Variants in AMER3 observed in about 807,000 individuals in gnomAD.
The protein encoded by AMER3 is APC membrane recruitment protein 3.
For synonymous variants in AMER3, 541 were observed against 485.5 expected, an observed-to-expected ratio of 1.11 and a Z score of -1.50; for missense variants, 1,201 against 1,139.4, an observed-to-expected ratio of 1.05 and a Z score of -0.78.
intron 1 of AMER3, among the ~76,000 whole-genome samples, chr2:130,760,320 C>A (rs1408650506): frequency 6.6e-6 from 1 of 152,234 alleles, no homozygotes; most frequent in Non-Finnish European, 1.5e-5. Context: ...CCTGCAGTGT[C>A]AGCTCTTCCA....
intron 1 of AMER3, among the ~76,000 whole-genome samples, chr2:130,756,103 T>TGGCGGAGCAGCCC (rs1405892963): frequency 1.3e-5 from 2 of 150,270 alleles, no homozygotes; most frequent in African/African-American, 4.9e-5. Context: ...GGCGGCAGCC[T>TGGCGGAGCAGCCC]GGCGGAGCAG....
At position 130,763,670 on chromosome 2, in the gene AMER3, C is replaced by A. The variant is rs770680817; in HGVS notation, c.1598C>A (p.Ser533Tyr). ...TPGQPAAPPGSQGAPRAPTEK... is the reference protein window; with the variant it reads ...TPGQPAAPPGYQGAPRAPTEK... The stretch of plus-strand genomic sequence containing the variant: ...GGGCAGCCTGCAGCTCCACCTGGTT[C>A]CCAGGGAGCCCCTAGGGCACCCACA... The change falls in exon 2 of 2, where the codon TCC (serine) becomes TAC (tyrosine). Residue 533 changes from serine (S) to tyrosine (Y), a missense_variant. Physicochemically the swap from Ser to Tyr is moderately radical, Grantham distance 144 (BLOSUM62 -2). Coordinates refer to ENST00000321420, the MANE Select transcript of AMER3 (RefSeq NM_152698.3). 6.7e-6 allele frequency: 10 copies of A among 1,490,344 alleles called. No homozygotes were observed. In the Admixed American group the frequency reaches 8.8e-5, roughly 13 times the overall value. The allele number at this position is 1,490,344 out of a possible 1,614,324, so 92.3% of individuals were successfully genotyped here.
Position 130,764,315 on chromosome 2 carries a change from G to A in AMER3, c.2243G>A (p.Arg748His), listed in dbSNP as rs541638003. The A allele has an allele frequency of 2.9e-5, 46 of 1,608,026 alleles. 1 individual carries two copies. In the South Asian group the frequency reaches 3.5e-4, roughly 12 times the overall value. ...ACACAGGACCAGAGGTGTCGAGATCGTGTCCAGGACCTGAGCTGGCTCAGG... is the reference window on the plus strand; with the variant it reads ...ACACAGGACCAGAGGTGTCGAGATCATGTCCAGGACCTGAGCTGGCTCAGG... ...ASTQDQRCRD[R>H]VQDLSWLRVE... is the part of the protein sequence containing the mutation. The change falls in exon 2 of 2, where the codon CGT (arginine) becomes CAT (histidine). Residue 748 changes from arginine to histidine, a missense_variant. Coordinates refer to ENST00000321420, the MANE Select transcript of AMER3 (RefSeq NM_152698.3).
At position 130,765,754 on chromosome 2, in the gene AMER3, G is replaced by A. The variant is rs919260747; in HGVS notation, c.*1096G>A. 6.0e-6 allele frequency: 1 copy of A among 167,080 alleles called. No homozygotes were observed. Among genetic ancestry groups the A allele is most frequent in the Non-Finnish European group, 1.5e-5 (1 of 68,150 alleles). 10.3% of individuals were successfully genotyped at this position (167,080 alleles called of 1,614,324 possible). ...AAGCCTGTCCCAGCTCTGAGAGAGA[G>A]ACCAGTTTGCCTTCTTTATTTGTTC... is the stretch of plus-strand genomic sequence containing the variant. On this transcript the variant is annotated 3_prime_UTR_variant, in exon 2 of 2. Transcript: ENST00000321420.
Position 130,764,294 on chromosome 2 carries a change from A to G in AMER3, c.2222A>G (p.Gln741Arg). ...GGCCTACCCTACTCAGCCAGCACAC[A>G]GGACCAGAGGTGTCGAGATCGTGTC... ...IHGLPYSAST[Q>R]DQRCRDRVQD... Residue 741 changes from glutamine to arginine, a missense_variant, in exon 2 of 2, where the codon CAG becomes CGG. Physicochemically the swap from Gln to Arg is conservative, Grantham distance 43 (BLOSUM62 1). Coordinates refer to ENST00000321420, the MANE Select transcript of AMER3 (RefSeq NM_152698.3). 6.2e-7 allele frequency: 1 copy of G among 1,606,874 alleles called. No homozygotes were observed. The highest frequency in any genetic ancestry group is 8.5e-7 in the Non-Finnish European group (1 of 1,175,524).
Position 130,763,150 on chromosome 2 carries a change from A to G in AMER3, c.1078A>G (p.Ser360Gly), listed in dbSNP as rs1678852888. The G allele has an allele frequency of 6.2e-7, 1 of 1,613,432 alleles. No individual in the cohort carries two copies. The highest frequency in any genetic ancestry group is 2.2e-5 in the East Asian group (1 of 44,868). The change falls in exon 2 of 2, where the codon AGC becomes GGC. Residue 360 changes from serine (S) to glycine (G), a missense_variant. Transcript: ENST00000321420. ...CCTCTGCCCCTGCAGGGACCCTCGC[A>G]GCGGCTCCAAAGCCAGCTCCATCGA... ...LPLCPCRDPR[S>G]GSKASSIDTG...
chr2:130,757,471 C>A (rs1399535992), intron 1 of AMER3, among the ~76,000 whole-genome samples: 1 of 152,174 alleles, frequency 6.6e-6, no homozygotes, highest in African/African-American at 2.4e-5. Context: ...CTCCCTGTGG[C>A]TTGCAGATAA....
intron 1 of AMER3, among the ~76,000 whole-genome samples, 189 bp from the exon 2 acceptor site, chr2:130,761,865 C>T (rs1013720026): frequency 3.9e-5 from 6 of 152,196 alleles, no homozygotes; most frequent in Non-Finnish European, 4.4e-5. Flanking sequence ...AGGCCCCAGG[C>T]AGCTCTCATT....
At position 130,764,434 on chromosome 2, in the gene AMER3, G is replaced by A. The variant is rs147451502; in HGVS notation, c.2362G>A (p.Gly788Ser). The A allele has an allele frequency of 2.7e-4, 439 of 1,607,154 alleles. No homozygotes were observed. Among genetic ancestry groups the A allele is most frequent in the Non-Finnish European group, 2.0e-4 (237 of 1,177,444 alleles). Residue 788 changes from glycine (G) to serine (S), a missense_variant, in exon 2 of 2, where the codon GGC becomes AGC. Transcript: ENST00000321420. ...STEAVEQVAH[G>S]SQLDSEPRSA... ...AGAGGCTGTGGAGCAGGTGGCACAC[G>A]GCAGCCAGCTGGACTCTGAGCCCCG...
Position 130,762,871 on chromosome 2 carries a change from G to C in AMER3, c.799G>C (p.Glu267Gln). ...ESSVPSLELN[E>Q]GPESPTQAAQ... ...CTCGGTGCCATCTCTGGAGCTGAAC[G>C]AGGGCCCGGAGAGCCCAACCCAGGC... Residue 267 changes from glutamate (E) to glutamine (Q), a missense_variant, in exon 2 of 2, where the codon GAG becomes CAG. By Grantham distance (29) the Glu-to-Gln change is conservative. Transcript: ENST00000321420. 2 of 1,613,292 alleles carry C rather than the reference G, an allele frequency of 1.2e-6. No individual in the cohort carries two copies. The highest frequency in any genetic ancestry group is 1.7e-6 in the Non-Finnish European group (2 of 1,179,978).
intron 1 of AMER3, 85 bp from the exon 2 acceptor site, chr2:130,761,969 G>A (rs913697862): frequency 4.6e-5 from 58 of 1,264,198 alleles, no homozygotes; most frequent in Admixed American, 1.8e-4. Flanking sequence ...CAGAGAGTGA[G>A]CTGTGTGAGA....
At chr2:130,757,934 C>T (rs1227693595) in intron 1 of AMER3, among the ~76,000 whole-genome samples, 2 of 152,126 alleles carry the variant, frequency 1.3e-5, no homozygotes, top group African/African-American at 4.8e-5. Context: ...AGATCAAGAC[C>T]ATCCTGGCTA....
rs561520175 is a variant in AMER3, at chr2:130,762,879, G to A, written c.807G>A (p.Pro269=). 78 of 1,613,234 alleles carry A rather than the reference G, an allele frequency of 4.8e-5. No homozygotes were observed. Among genetic ancestry groups the A allele is most frequent in the South Asian group, 4.2e-4 (38 of 91,092 alleles). ...CATCTCTGGAGCTGAACGAGGGCCC[G>A]GAGAGCCCAACCCAGGCTGCTCAGG... ...SVPSLELNEG[P]ESPTQAAQGL... is the part of the protein sequence containing the mutation. Residue 269 remains proline (P), a synonymous_variant, in exon 2 of 2, where the codon CCG becomes CCA. Coordinates refer to ENST00000321420, the MANE Select transcript of AMER3 (RefSeq NM_152698.3).
chr2:130,767,200 GCAGGGACAGATGGGCCATC>G lies in AMER3; in HGVS notation c.*2545_*2563del. On this transcript the variant is annotated 3_prime_UTR_variant, in exon 2 of 2. Transcript: ENST00000321420. ...CTGGGCCAGTGTCAGGCCAGCAGGT[GCAGGGACAGATGGGCCATC>G]CACATTCTCCAAGATTAGCTTCTAC... The G allele has an allele frequency of 6.0e-6, 1 of 167,366 alleles. No homozygotes were observed. 10.4% of individuals were successfully genotyped at this position (167,366 alleles called of 1,614,324 possible). A position where few individuals can be genotyped will look rare whatever the true frequency, so the allele number is the denominator to read the frequency against.
Position 130,763,122 on chromosome 2 carries a change from GC to G in AMER3, c.1054del (p.Leu352SerfsTer144). On this transcript the variant is annotated frameshift_variant, in exon 2 of 2. Coordinates refer to ENST00000321420, the MANE Select transcript of AMER3 (RefSeq NM_152698.3). LOFTEE classifies it low-confidence loss of function (END_TRUNC). ...TGGACACAGCTGGGCTCGCTGAGCT[GC>G]CCCTCTGCCCCTGCAGGGACCCTCG... ...RLDTAGLAEL[P>X]LCPCRDPRSG... The G allele has an allele frequency of 6.2e-7, 1 of 1,612,942 alleles. No homozygotes were observed.
At position 130,762,809 on chromosome 2, in the gene AMER3, C is replaced by T. The variant is rs1401009215; in HGVS notation, c.737C>T (p.Ser246Leu). Residue 246 changes from serine (S) to leucine (L), a missense_variant, in exon 2 of 2, where the codon TCG (serine) becomes TTG (leucine). Transcript: ENST00000321420. ...EDVASLQSFD[S>L]LTGCGEVFAD... ...GTGGCCTCACTCCAGAGCTTCGACT[C>T]GCTCACGGGTTGTGGGGAGGTGTTC... The T allele has an allele frequency of 3.1e-6, 5 of 1,612,924 alleles. No homozygotes were observed. The highest frequency in any genetic ancestry group is 1.7e-5 in the Admixed American group (1 of 60,018).
In AMER3 at chr2:130,763,569, C is replaced by T. The variant is rs1369312575; in HGVS notation, c.1497C>T (p.Asp499=). The T allele has an allele frequency of 1.9e-6, 3 of 1,611,908 alleles. No homozygotes were observed. The highest frequency in any genetic ancestry group is 1.7e-6 in the Non-Finnish European group (2 of 1,179,722). ...AGGAGTGCCTGCTGAAGCTGTGTGA[C>T]ACTGAGCTCGCCATCACCATGGGCA... ...KGKECLLKLC[D]TELAITMGIV... is the part of the protein sequence containing the mutation. The change falls in exon 2 of 2, where the codon GAC becomes GAT. Residue 499 remains aspartate (D), a synonymous_variant. Coordinates refer to ENST00000321420, the MANE Select transcript of AMER3 (RefSeq NM_152698.3).
intron 1 of AMER3, chr2:130,756,431 T>C (rs2104769771): frequency 6.6e-6 from 1 of 152,308 alleles, no homozygotes; most frequent in South Asian, 2.1e-4. Flanking sequence ...CCCGCGGATG[T>C]GGACCCCCGG....
At position 130,767,409 on chromosome 2, in the gene AMER3, G is replaced by A. The variant is rs562914213; in HGVS notation, c.*2751G>A. The A allele has an allele frequency of 2.4e-5, 4 of 167,046 alleles. No individual in the cohort carries two copies. The East Asian group carries it at 7.8e-4, about 32-fold the overall frequency. 10.3% of individuals were successfully genotyped at this position (167,046 alleles called of 1,614,324 possible). A position where few individuals can be genotyped will look rare whatever the true frequency, so the allele number is the denominator to read the frequency against. On this transcript the variant is annotated 3_prime_UTR_variant, in exon 2 of 2. Coordinates refer to ENST00000321420, the MANE Select transcript of AMER3 (RefSeq NM_152698.3). ...AGAGCTCCCACCAAGAGGAGCGTGA[G>A]TTGTGCTGTCCTGGCTCGAGAAGAA...
Sources: allele counts gnomAD v4.1 joint callset (sites outside exome capture counted in the v4.1 genomes callset), GRCh38; gene constraint gnomAD v4.1.1; transcripts MANE v1.5; gene names NCBI Gene and HGNC (gene_info 2026-07-23, HGNC 2026-07-21).